The following PACRG variants were observed in gnomAD, a reference collection of about 807,000 sequenced individuals.
PACRG encodes the protein parkin coregulated gene protein.
In PACRG, 29 loss-of-function variants were observed where a neutral mutation model predicts 29.7. That is an observed-to-expected ratio of 0.98 (90% CI 0.73 to 1.33). The LOEUF is 1.33. Ranked by LOEUF, PACRG falls within the 40% of genes most tolerant of loss-of-function variation. The pLI, the probability that PACRG is intolerant of heterozygous loss-of-function variation, is 0.00. For synonymous variants in PACRG, 116 were observed against 118.7 expected, an observed-to-expected ratio of 0.98 and a Z score of 0.15; for missense variants, 279 against 316.2, an observed-to-expected ratio of 0.88 and a Z score of 0.89.
At chr6:162,882,191 G>C (rs1008511635) in intron 2 of PACRG, among the ~76,000 whole-genome samples, 8 of 101,818 alleles carry the variant, frequency 7.9e-5, no homozygotes, top group South Asian at 3.3e-4. Context: ...GACTGGGGGT[G>C]GGGGGGCGCA....
chr6:163,014,585 A>G (rs1805914539), intron 2 of PACRG, among the ~76,000 whole-genome samples: 1 of 150,704 alleles, frequency 6.6e-6, no homozygotes, highest in African/African-American at 2.4e-5. Flanking sequence ...CGTGGTTTTG[A>G]TTTGCATTTC....
At chr6:163,003,486 A>C (rs1804767056) in intron 2 of PACRG, among the ~76,000 whole-genome samples, 1 of 152,220 alleles carries the variant, frequency 6.6e-6, no homozygotes, top group African/African-American at 2.4e-5. Flanking sequence ...AAAATCTGGG[A>C]AAGTATAGAC....
intron 3 of PACRG, among the ~76,000 whole-genome samples, chr6:163,074,575 CATAAAGA>C (rs1812369971): frequency 2.0e-5 from 3 of 152,208 alleles, no homozygotes; most frequent in South Asian, 4.1e-4. Context: ...TTATTAGTAA[CATAAAGA>C]ATAAATGCTG....
At chr6:162,942,801 C>G (rs1447304889) in intron 2 of PACRG, among the ~76,000 whole-genome samples, 2 of 152,264 alleles carry the variant, frequency 1.3e-5, no homozygotes, top group African/African-American at 4.8e-5. Context: ...GAGGGGGCTT[C>G]AAGATAGCTA....
intron 2 of PACRG, among the ~76,000 whole-genome samples, chr6:162,884,375 T>G (rs1489974249): frequency 6.6e-6 from 1 of 152,174 alleles, no homozygotes; most frequent in African/African-American, 2.4e-5. Context: ...ACCAGGGCAG[T>G]TCAAATTTGT....
intron 4 of PACRG, among the ~76,000 whole-genome samples, chr6:163,290,130 G>T (rs1359229147): frequency 6.6e-6 from 1 of 152,120 alleles, no homozygotes; most frequent in Admixed American, 6.5e-5. Context: ...AGAGTGCTGG[G>T]ATTACAGGCA....
At chr6:163,127,229 GA>G (rs1816552805) in intron 4 of PACRG, among the ~76,000 whole-genome samples, 1 of 152,220 alleles carries the variant, frequency 6.6e-6, no homozygotes, top group African/African-American at 2.4e-5. Flanking sequence ...AAGAAAAACA[GA>G]AACTTTTCTC....
intron 4 of PACRG, among the ~76,000 whole-genome samples, chr6:163,168,096 C>A (rs554241373): frequency 1.3e-5 from 2 of 152,192 alleles, no homozygotes; most frequent in East Asian, 3.9e-4. Flanking sequence ...ATGGCATATC[C>A]CTTGATGTGA....
At chr6:162,835,519 T>C (rs893663495) in intron 2 of PACRG, among the ~76,000 whole-genome samples, 1 of 152,140 alleles carries the variant, frequency 6.6e-6, no homozygotes, top group African/African-American at 2.4e-5. Context: ...GGATATCATG[T>C]TAAAATATCT....
chr6:162,966,169 A>G (rs1801003591), intron 2 of PACRG, among the ~76,000 whole-genome samples: 1 of 152,244 alleles, frequency 6.6e-6, no homozygotes, highest in Non-Finnish European at 1.5e-5. Context: ...GTGCAAGAAA[A>G]TAAAGATCTA....
intron 1 of PACRG, among the ~76,000 whole-genome samples, chr6:162,731,695 A>G (rs1262545739): frequency 6.6e-6 from 1 of 152,150 alleles, no homozygotes; most frequent in East Asian, 1.9e-4. Context: ...CATTTCAGAT[A>G]AGGGATAGTT....
Position 163,185,436 on chromosome 6 carries a change from T to G in PACRG, c.613+96028T>G, listed in dbSNP as rs538965143. Among the ~76,000 whole-genome samples the G allele has an allele frequency of 7.2e-5, 11 of 152,336 alleles. No homozygotes were observed. The South Asian group carries it at 8.3e-4, about 11-fold the overall frequency. On this transcript the variant is annotated intron_variant, in intron 4 of 4. Transcript: ENST00000366888. Reference sequence around the variant, plus strand: ...CAGTTCAGGGTTGTCATAGGAAATCTACATTTTTCAAATTAACAGGACTTA... The same window carrying G: ...CAGTTCAGGGTTGTCATAGGAAATCGACATTTTTCAAATTAACAGGACTTA...
chr6:163,294,094 A>G (rs1046047003), intron 4 of PACRG, among the ~76,000 whole-genome samples: 4 of 152,178 alleles, frequency 2.6e-5, no homozygotes, highest in African/African-American at 9.7e-5. Context: ...AAGATATTTT[A>G]ATGAAAATGA....
intron 4 of PACRG, among the ~76,000 whole-genome samples, chr6:163,255,739 C>A (rs1783080630): frequency 6.6e-6 from 1 of 152,148 alleles, no homozygotes; most frequent in South Asian, 2.1e-4. Context: ...CGGGTTCAAG[C>A]AACTCTCGTG....
chr6:163,045,970 A>G (rs1285488802), intron 2 of PACRG, among the ~76,000 whole-genome samples: 1 of 152,084 alleles, frequency 6.6e-6, no homozygotes, highest in African/African-American at 2.4e-5. Flanking sequence ...TTCCCAGGTC[A>G]GCCTGCACTT....
intron 4 of PACRG, among the ~76,000 whole-genome samples, chr6:163,223,253 G>A (rs905580856): frequency 1.3e-5 from 2 of 152,074 alleles, no homozygotes; most frequent in Non-Finnish European, 2.9e-5. Context: ...AATTAGCCGA[G>A]CATGGTGGCA....
At chr6:162,940,836 C>T (rs1798568168) in intron 2 of PACRG, among the ~76,000 whole-genome samples, 1 of 152,128 alleles carries the variant, frequency 6.6e-6, no homozygotes. Flanking sequence ...CATTACTGTA[C>T]ATTCGTAACC....
intron 2 of PACRG, among the ~76,000 whole-genome samples, chr6:162,832,768 T>G (rs1788895069): frequency 6.6e-6 from 1 of 151,670 alleles, no homozygotes; most frequent in Non-Finnish European, 1.5e-5. Context: ...TTAAAATATT[T>G]TTCTCTTAGG....
chr6:163,042,499 C>A (rs1005711692), intron 2 of PACRG: 1 of 152,112 alleles, frequency 6.6e-6, no homozygotes, highest in African/African-American at 2.4e-5. Context: ...AAATACTCTT[C>A]AAACTACATA....
Sources: gnomAD v4.1 joint callset for allele counts (sites outside exome capture counted in the v4.1 genomes callset) on GRCh38, gnomAD v4.1.1 for gene constraint, MANE v1.5 for transcripts, NCBI Gene and HGNC (gene_info 2026-07-23, HGNC 2026-07-21) for gene names.